The following EIF1AD variants were observed in gnomAD, a reference collection of about 807,000 sequenced individuals.
EIF1AD encodes probable RNA-binding protein EIF1AD.
EIF1AD carries 9 observed loss-of-function variants against 21.7 expected under a neutral mutation model. That is an observed-to-expected ratio of 0.41 (90% CI 0.25 to 0.72). The LOEUF (loss-of-function observed/expected upper bound fraction) is 0.72. Among genes scored for constraint, EIF1AD ranks in the 30% least tolerant of loss-of-function variants. The probability of loss-of-function intolerance (pLI) is 0.29; values close to 1 mark genes in which losing one functional copy is unlikely to be tolerated. For synonymous variants in EIF1AD, 78 were observed against 70.9 expected (o/e 1.10, Z -0.50); for missense variants, 164 against 199.7 (o/e 0.82, Z 1.08).
At chr11:66,001,712 C>T (rs751564024) in intron 1 of EIF1AD, among the ~76,000 whole-genome samples, 198 bp downstream of exon 1, 1 of 152,102 alleles carries the variant, frequency 6.6e-6, no homozygotes, top group Non-Finnish European at 1.5e-5. Context: ...TGGTTCAAGC[C>T]AGGAACTAGT....
intron 3 of EIF1AD, 140 bp from the exon 4 acceptor site, chr11:65,999,815 C>G (rs1855875241): frequency 2.9e-6 from 2 of 678,338 alleles, no homozygotes; most frequent in African/African-American, 3.6e-5. Context: ...CAGGGTCTTG[C>G]TCTGTTGCCC....
Position 66,000,466 on chromosome 11 carries a change from AGAACCCAG to A in EIF1AD, c.-85_-78del. Reference sequence around the variant, plus strand: ...CCTGAGTTCCTTGGATGGCAGGCTCAGAACCCAGGACTGTTCTGAAGATGGGGAGGGGC... The same window carrying A: ...CCTGAGTTCCTTGGATGGCAGGCTCAGACTGTTCTGAAGATGGGGAGGGGC... On this transcript the variant is annotated 5_prime_UTR_variant, in exon 2 of 6. Transcript: ENST00000533544. 2 of 1,444,628 alleles carry A rather than the reference AGAACCCAG, an allele frequency of 1.4e-6. No individual in the cohort carries two copies. Among genetic ancestry groups the A allele is most frequent in the Non-Finnish European group, 1.9e-6 (2 of 1,053,792 alleles). The allele number at this position is 1,444,628 out of a possible 1,614,324, so 89.5% of individuals were successfully genotyped here. A position where few individuals can be genotyped will look rare whatever the true frequency, so the allele number is the denominator to read the frequency against.
Position 65,999,366 on chromosome 11 carries a change from G to T in EIF1AD, c.337C>A (p.His113Asn), listed in dbSNP as rs1364531415. The change falls in exon 5 of 6, where the codon CAC becomes AAC. Residue 113 changes from histidine (H) to asparagine (N), a missense_variant. Transcript: ENST00000533544. Reference protein sequence around the residue: ...PEAFSEVAEKHNNRNRQTQPE... With the variant: ...PEAFSEVAEKNNNRNRQTQPE... ...GTTCCTCACCTGTTCCTGTTGTTGT[G>T]TTTCTCAGCCACTTCAGAGAAGGCC... The T allele has an allele frequency of 6.2e-7, 1 of 1,614,200 alleles. No homozygotes were observed.
chr11:66,000,638 C>T (rs978437617), intron 1 of EIF1AD, 133 bp from the exon 2 acceptor site: 17 of 515,182 alleles, frequency 3.3e-5, no homozygotes, highest in South Asian at 6.3e-5. Flanking sequence ...GCTAACTCAG[C>T]ACTGTTACAG....
chr11:65,999,538 G>T, intron 4 of EIF1AD, 29 bp downstream of exon 4: 1 of 1,599,134 alleles, frequency 6.3e-7, no homozygotes, highest in Non-Finnish European at 8.6e-7. Flanking sequence ...CCAGAAGCCA[G>T]ACAGCCAATG....
rs565280494 is a variant in EIF1AD, at chr11:65,999,506, C to T, written c.305+61G>A. ...GCCATGACCTTCCCTCCCCTAATTC[C>T]CAAGCTAGGAAGGCAATGCCTCCAG... On this transcript the variant is annotated intron_variant, in intron 4 of 5. Transcript: ENST00000533544. 344 of 1,599,194 alleles carry T rather than the reference C, an allele frequency of 2.2e-4. 5 individuals are homozygous for T. In the South Asian group the frequency reaches 3.6e-3, roughly 17 times the overall value.
At chr11:65,999,940 A>T in intron 3 of EIF1AD, 113 bp downstream of exon 3, 1 of 842,256 alleles carries the variant, frequency 1.2e-6, no homozygotes, top group Non-Finnish European at 1.9e-6. Context: ...GTGCCCAACT[A>T]ATTTTTTTCT....
intron 5 of EIF1AD, 94 bp from the exon 6 acceptor site, chr11:65,998,837 A>G (rs1855827047): frequency 1.4e-6 from 2 of 1,422,772 alleles, no homozygotes; most frequent in Admixed American, 1.9e-5. Context: ...CATCCGGCCC[A>G]GCAGTCAGGG....
At position 66,000,490 on chromosome 11, in the gene EIF1AD, G is replaced by A; in HGVS notation, c.-101C>T. On this transcript the variant is annotated 5_prime_UTR_variant, in exon 2 of 6. Transcript: ENST00000533544. ...CAGAACCCAGGACTGTTCTGAAGAT[G>A]GGGAGGGGCCTTTTACTGAGGGGTG... The A allele has an allele frequency of 2.5e-6, 3 of 1,199,046 alleles. No homozygotes were observed. Among genetic ancestry groups the A allele is most frequent in the Non-Finnish European group, 3.6e-6 (3 of 838,436 alleles). 74.3% of individuals were successfully genotyped at this position (1,199,046 alleles called of 1,614,324 possible).
In EIF1AD at chr11:65,998,309, CA is replaced by C. The variant is rs1855805373; in HGVS notation, c.*289del. 4.1e-6 allele frequency: 1 copy of C among 242,930 alleles called. No individual in the cohort carries two copies. The allele number at this position is 242,930 out of a possible 1,614,324, so 15.0% of individuals were successfully genotyped here. On this transcript the variant is annotated 3_prime_UTR_variant, in exon 6 of 6. Transcript: ENST00000533544. ...CAAACCACCTGGGAAAGACTCCAGC[CA>C]TTTCCCATTTCCTCCCCATTCAGCC...
chr11:66,002,148 A>T lies in EIF1AD; in HGVS notation c.-355T>A, dbSNP rs890852022. 3 of 151,562 alleles carry T rather than the reference A, an allele frequency of 2.0e-5. No individual in the cohort carries two copies. The highest frequency in any genetic ancestry group is 4.4e-5 in the Non-Finnish European group (3 of 67,936). 9.4% of individuals were successfully genotyped at this position (151,562 alleles called of 1,614,324 possible). A position where few individuals can be genotyped will look rare whatever the true frequency, so the allele number is the denominator to read the frequency against. ...GTGAGTCTGAGTCTGATCCCTCCGA[A>T]AACCGTACTTCCGGCGCTGTCTCGG... On this transcript the variant is annotated 5_prime_UTR_variant, in exon 1 of 6. Transcript: ENST00000533544.
intron 5 of EIF1AD, 106 bp downstream of exon 5, chr11:65,999,244 A>C: frequency 2.7e-6 from 4 of 1,467,410 alleles, no homozygotes; most frequent in Non-Finnish European, 3.8e-6. Flanking sequence ...GGAGCTCTCA[A>C]CAGATACCCT....
chr11:65,998,617 T>C lies in EIF1AD; in HGVS notation c.480A>G (p.Glu160=), dbSNP rs750478484. The change falls in exon 6 of 6, where the codon GAA becomes GAG. Residue 160 remains glutamate (E), a synonymous_variant. Coordinates refer to ENST00000533544, the MANE Select transcript of EIF1AD (RefSeq NM_001242481.2). The part of the protein sequence containing the change: ...RQYHESEEES[E]EEEAA ...TGGAGTCTCAGGCTGCCTCCTCCTC[T>C]TCACTCTCCTCCTCACTCTCATGAT... 1.6e-5 allele frequency: 26 copies of C among 1,613,864 alleles called. No individual in the cohort carries two copies. The highest frequency in any genetic ancestry group is 2.1e-5 in the Non-Finnish European group (25 of 1,180,012).
In EIF1AD at chr11:65,998,342, C is replaced by A; in HGVS notation, c.*257G>T. 2 of 278,622 alleles carry A rather than the reference C, an allele frequency of 7.2e-6. No individual in the cohort carries two copies. Among genetic ancestry groups the A allele is most frequent in the African/African-American group, 2.2e-5 (1 of 45,432 alleles). The allele number at this position is 278,622 out of a possible 1,614,324, so 17.3% of individuals were successfully genotyped here. ...ATTTCCTCCCCATTCAGCCCACCCA[C>A]CCACAAGGTCTCTAATAAATAGGGA... On this transcript the variant is annotated 3_prime_UTR_variant, in exon 6 of 6. Transcript: ENST00000533544.
At position 66,000,058 on chromosome 11, in the gene EIF1AD, T is replaced by G. The variant is rs749346531; in HGVS notation, c.191A>C (p.Lys64Thr). 3.7e-6 allele frequency: 6 copies of G among 1,613,058 alleles called. No individual in the cohort carries two copies. The highest frequency in any genetic ancestry group is 5.1e-6 in the Non-Finnish European group (6 of 1,179,004). The change falls in exon 3 of 6, where the codon AAG (lysine) becomes ACG (threonine). Residue 64 changes from lysine to threonine, a missense_variant. Transcript: ENST00000533544. ...PSKYRKNIWI[K>T]RGDFLIVDPI... is the part of the protein sequence containing the mutation. ...TACAGGAGTAATCCTCTCACCTCTC[T>G]TGATCCAGATGTTCTTGCGGTATTT...
Position 65,999,353 on chromosome 11 carries a change from T to A in EIF1AD, c.350A>T (p.Asn117Ile), listed in dbSNP as rs759732408. Reference protein sequence around the residue: ...SEVAEKHNNRNRQTQPELPAE... With the variant: ...SEVAEKHNNRIRQTQPELPAE... ...CACCCCAAGGCTTGTTCCTCACCTG[T>A]TCCTGTTGTTGTGTTTCTCAGCCAC... The change falls in exon 5 of 6, where the codon AAC (asparagine) becomes ATC (isoleucine). Residue 117 changes from asparagine to isoleucine, a missense_variant. By Grantham distance (149) the Asn-to-Ile change is moderately radical. Coordinates refer to ENST00000533544, the MANE Select transcript of EIF1AD (RefSeq NM_001242481.2). 1 of 1,614,248 alleles carries A rather than the reference T, an allele frequency of 6.2e-7. No homozygotes were observed. The highest frequency in any genetic ancestry group is 1.1e-5 in the South Asian group (1 of 91,090).
rs1261484961 is a variant in EIF1AD, at chr11:65,998,418, C to T, written c.*181G>A. The T allele has an allele frequency of 1.5e-6, 1 of 646,568 alleles. No homozygotes were observed. Among genetic ancestry groups the T allele is most frequent in the East Asian group, 3.0e-5 (1 of 33,184 alleles). The allele number at this position is 646,568 out of a possible 1,614,324, so 40.1% of individuals were successfully genotyped here. On this transcript the variant is annotated 3_prime_UTR_variant, in exon 6 of 6. Transcript: ENST00000533544. ...CCCTCCCCCGAGAGAGCCACTCAGACACCAGAACAAGTCACCAACCCACCA... is the reference window on the plus strand; with the variant it reads ...CCCTCCCCCGAGAGAGCCACTCAGATACCAGAACAAGTCACCAACCCACCA...
Position 65,998,452 on chromosome 11 carries a change from A to G in EIF1AD, c.*147T>C. On this transcript the variant is annotated 3_prime_UTR_variant, in exon 6 of 6. Coordinates refer to ENST00000533544, the MANE Select transcript of EIF1AD (RefSeq NM_001242481.2). The stretch of plus-strand genomic sequence containing the variant: ...AAGTCACCAACCCACCAGGGGTTTA[A>G]TTCTCTGAATCAAAAGATCAGTTCA... 1 of 1,029,316 alleles carries G rather than the reference A, an allele frequency of 9.7e-7. No individual in the cohort carries two copies. The highest frequency in any genetic ancestry group is 2.6e-5 in the East Asian group (1 of 38,286). The allele number at this position is 1,029,316 out of a possible 1,614,324, so 63.8% of individuals were successfully genotyped here. A position where few individuals can be genotyped will look rare whatever the true frequency, so the allele number is the denominator to read the frequency against.
Position 65,998,655 on chromosome 11 carries a change from T to G in EIF1AD, c.442A>C (p.Asn148His). The change falls in exon 6 of 6, where the codon AAC (asparagine) becomes CAC (histidine). Residue 148 changes from asparagine (N) to histidine (H), a missense_variant. Physicochemically the swap from Asn to His is moderately conservative, Grantham distance 68. Transcript: ENST00000533544. The stretch of plus-strand genomic sequence containing the variant: ...TCACTCTCATGATACTGTCTGCGGT[T>G]TGTGTTAACAAACAGGTCAGAATCA... ...EDDSDLFVNT[N>H]RRQYHESEEE... 6.2e-7 allele frequency: 1 copy of G among 1,614,180 alleles called. No individual in the cohort carries two copies. The highest frequency in any genetic ancestry group is 8.5e-7 in the Non-Finnish European group (1 of 1,180,032).
Sources: gnomAD v4.1 joint callset for allele counts (sites outside exome capture counted in the v4.1 genomes callset) on GRCh38, gnomAD v4.1.1 for gene constraint, MANE v1.5 for transcripts, NCBI Gene and HGNC (gene_info 2026-07-23, HGNC 2026-07-21) for gene names.